Variants in SYT2 observed in about 807,000 individuals in gnomAD.
The protein encoded by SYT2 is synaptotagmin 2.
A neutral mutation model predicts 39.9 loss-of-function variants in SYT2; 15 were observed. The ratio of observed to expected loss-of-function variants is 0.38; its 90% confidence interval spans 0.25 to 0.58. SYT2 has a LOEUF of 0.58. SYT2 is among the 20% of genes least tolerant of loss of function. SYT2 has a pLI of 0.70. For synonymous variants in SYT2, 181 were observed against 204.5 expected (o/e 0.89, Z 0.98); for missense variants, 389 against 530.3 (o/e 0.73, Z 2.62).
At chr1:202,610,501 G>C (rs1486261370) in intron 1 of SYT2, among the ~76,000 whole-genome samples, 2 of 152,106 alleles carry the variant, frequency 1.3e-5, no homozygotes, top group South Asian at 2.1e-4. Context: ...GGAAATAAAG[G>C]GTATTCAGTT....
At chr1:202,655,613 C>T (rs993814807) in intron 1 of SYT2, among the ~76,000 whole-genome samples, 8 of 152,128 alleles carry the variant, frequency 5.3e-5, no homozygotes, top group African/African-American at 1.9e-4. Context: ...GACACTGGGG[C>T]TCAGAGAAGT....
At chr1:202,676,289 G>A (rs989448458) in intron 1 of SYT2, among the ~76,000 whole-genome samples, 1 of 152,016 alleles carries the variant, frequency 6.6e-6, no homozygotes, top group African/African-American at 2.4e-5. Flanking sequence ...TAGATGAGAT[G>A]CCATCCTGGC....
At chr1:202,667,857 C>T (rs1239288674) in intron 1 of SYT2, among the ~76,000 whole-genome samples, 3 of 152,034 alleles carry the variant, frequency 2.0e-5, no homozygotes, top group Non-Finnish European at 4.4e-5. Flanking sequence ...GGATTACAGG[C>T]ACCTGCCACC....
chr1:202,680,927 G>A (rs967593616), intron 1 of SYT2, among the ~76,000 whole-genome samples: 6 of 152,170 alleles, frequency 3.9e-5, no homozygotes, highest in African/African-American at 1.4e-4. Context: ...GATTTGAGGA[G>A]CAAGAGAAGA....
chr1:202,616,198 G>A (rs956298735), intron 1 of SYT2, among the ~76,000 whole-genome samples: 4 of 152,138 alleles, frequency 2.6e-5, no homozygotes, highest in Admixed American at 2.6e-4. Flanking sequence ...AAAAGCAGAA[G>A]CGAGAAATCT....
At chr1:202,610,688 CAGAG>C (rs1047260605) in intron 1 of SYT2, among the ~76,000 whole-genome samples, 31 of 152,262 alleles carry the variant, frequency 2.0e-4, no homozygotes, top group African/African-American at 6.7e-4. Context: ...AACAGACAAA[CAGAG>C]AGCCAAATCA....
chr1:202,694,864 A>G (rs1572684176), intron 1 of SYT2, among the ~76,000 whole-genome samples: 1 of 152,046 alleles, frequency 6.6e-6, no homozygotes, highest in African/African-American at 2.4e-5. Flanking sequence ...CTGTGCATAC[A>G]TTCTTCTCTC....
chr1:202,706,436 G>A (rs955934683), intron 1 of SYT2, among the ~76,000 whole-genome samples: 4 of 152,036 alleles, frequency 2.6e-5, no homozygotes, highest in Admixed American at 6.5e-5. Context: ...CTCCTCCCGC[G>A]CCAGGCACTG....
intron 1 of SYT2, among the ~76,000 whole-genome samples, chr1:202,619,940 C>T (rs758277986): frequency 5.9e-5 from 9 of 152,196 alleles, no homozygotes; most frequent in Non-Finnish European, 1.2e-4. Flanking sequence ...TCTGCTCAGA[C>T]AGGTAGTAAG....
At chr1:202,638,027 G>T (rs900816233) in intron 1 of SYT2, among the ~76,000 whole-genome samples, 4 of 152,232 alleles carry the variant, frequency 2.6e-5, no homozygotes, top group African/African-American at 4.8e-5. Flanking sequence ...CCGGTAGGAA[G>T]TCCTTCCTTG....
rs1690966501 is a variant in SYT2, at chr1:202,614,278, T to C, written c.-17-8489A>G. On this transcript the variant is annotated intron_variant, in intron 1 of 8. Coordinates refer to ENST00000367268, the MANE Select transcript of SYT2 (RefSeq NM_177402.5). This position sits in a 1 kb window ranked among gnomAD's most constrained non-coding sequence, Gnocchi z 4.0. ...GTGTTGGAGTCCCAGAAAAGGAGAT[T>C]AGACTTCCCTCTATACCCAGCAGGA... is the stretch of plus-strand genomic sequence containing the variant. Among the ~76,000 whole-genome samples the C allele has an allele frequency of 6.6e-6, 1 of 152,158 alleles. No homozygotes were observed. Among genetic ancestry groups the C allele is most frequent in the Non-Finnish European group, 1.5e-5 (1 of 68,042 alleles).
chr1:202,635,308 A>C (rs1347248366), intron 1 of SYT2, among the ~76,000 whole-genome samples: 2 of 152,148 alleles, frequency 1.3e-5, no homozygotes, highest in Admixed American at 6.5e-5. Flanking sequence ...TCCCTGTCCC[A>C]ATGAGGCCAC....
chr1:202,701,826 AAGGGCCT>A (rs1654130073), intron 1 of SYT2, among the ~76,000 whole-genome samples: 2 of 152,156 alleles, frequency 1.3e-5, no homozygotes, highest in African/African-American at 2.4e-5. Flanking sequence ...TAAACTTCAC[AAGGGCCT>A]GTTCCCTGTG....
At chr1:202,629,307 C>G (rs953336907) in intron 1 of SYT2, among the ~76,000 whole-genome samples, 1 of 152,322 alleles carries the variant, frequency 6.6e-6, no homozygotes, top group South Asian at 2.1e-4. Context: ...TTCTTTCCTG[C>G]CCCTGTGTCC....
chr1:202,620,226 A>G (rs1483544456), intron 1 of SYT2, among the ~76,000 whole-genome samples: 1 of 152,232 alleles, frequency 6.6e-6, no homozygotes, highest in African/African-American at 2.4e-5. Flanking sequence ...CCCCTGTGAC[A>G]GTGTCAGTCC....
rs1553338299 is a variant in SYT2, at chr1:202,629,878, G to GGGGC, written c.-17-24090_-17-24089insGCCC. On this transcript the variant is annotated intron_variant, in intron 1 of 8. Coordinates refer to ENST00000367268, the MANE Select transcript of SYT2 (RefSeq NM_177402.5). Reference sequence around the variant, plus strand: ...CAGCAGGCAGCTGGTGGGGGGGGGGGGGTGGTACGGCAGGTGTGTTGCTCA... The same window carrying GGGGC: ...CAGCAGGCAGCTGGTGGGGGGGGGGGGGGCGGTGGTACGGCAGGTGTGTTGCTCA... Among the ~76,000 whole-genome samples the GGGGC allele has an allele frequency of 1.4e-4, 17 of 119,398 alleles. 1 individual carries two copies. Among genetic ancestry groups the GGGGC allele is most frequent in the Admixed American group, 5.0e-4 (6 of 11,918 alleles). The allele number at this position is 119,398 out of a possible 152,430, so 78.3% of individuals were successfully genotyped here.
At chr1:202,709,318 C>T (rs898202963) in intron 1 of SYT2, among the ~76,000 whole-genome samples, 3 of 152,176 alleles carry the variant, frequency 2.0e-5, no homozygotes, top group Non-Finnish European at 4.4e-5. Context: ...CCCCACGAGC[C>T]ATGGGCTGGG....
rs909882228 is a variant in SYT2 at position 202,599,438 on chromosome 1, G to A, written c.920-87C>T. 7.0e-6 allele frequency: 10 copies of A among 1,423,134 alleles called. No homozygotes were observed. The highest frequency in any genetic ancestry group is 2.5e-5 in the Admixed American group (1 of 39,962). 88.2% of individuals were successfully genotyped at this position (1,423,134 alleles called of 1,614,324 possible). A position where few individuals can be genotyped will look rare whatever the true frequency, so the allele number is the denominator to read the frequency against. ...TGTACCAAGGCCTGCCCAGAGCATC[G>A]GTCAAGAGGGGGTCTTCACTCCGCT... On this transcript the variant is annotated intron_variant, in intron 7 of 8. Coordinates refer to ENST00000367268, the MANE Select transcript of SYT2 (RefSeq NM_177402.5). The surrounding 1 kb of genome is among the most constrained non-coding windows in gnomAD (Gnocchi z 4.4).
chr1:202,602,930 A>C, intron 4 of SYT2, 69 bp downstream of exon 4: 44 of 1,499,430 alleles, frequency 2.9e-5, no homozygotes, highest in Non-Finnish European at 3.7e-5. Flanking sequence ...AGCTGTTTCT[A>C]TCCCCCTTCC....
Sources: gnomAD v4.1 joint callset for allele counts (sites outside exome capture counted in the v4.1 genomes callset) on GRCh38, gnomAD v4.1.1 for gene constraint, Gnocchi (gnomAD v3.1) non-coding constraint, MANE v1.5 for transcripts, NCBI Gene and HGNC (gene_info 2026-07-23, HGNC 2026-07-21) for gene names.